The following CALN1 variants were observed in gnomAD, a reference collection of about 807,000 sequenced individuals.
The protein encoded by CALN1 is calneuron 1.
In CALN1, 17 loss-of-function variants were observed where a neutral mutation model predicts 30.6. The ratio of observed to expected loss-of-function variants is 0.56; its 90% confidence interval spans 0.38 to 0.83. CALN1 has a LOEUF of 0.83. Ranked by LOEUF, CALN1 falls within the 40% of genes least tolerant of loss-of-function variation. The pLI, the probability that CALN1 is intolerant of heterozygous loss-of-function variation, is 0.00. For synonymous variants in CALN1, 156 were observed against 131.4 expected, an observed-to-expected ratio of 1.19 and a Z score of -1.28; for missense variants, 291 against 354.9, an observed-to-expected ratio of 0.82 and a Z score of 1.45.
At position 72,406,011 on chromosome 7, in the gene CALN1, G is replaced by A. The variant is rs142416455; in HGVS notation, c.-73-2569C>T. 2.3e-4 allele frequency among the ~76,000 whole-genome samples: 35 copies of A among 152,272 alleles called. No individual in the cohort carries two copies. In the East Asian group the frequency reaches 6.4e-3, roughly 28 times the overall value. On this transcript the variant is annotated intron_variant, in intron 1 of 6. Coordinates refer to ENST00000395275, the MANE Select transcript of CALN1 (RefSeq NM_031468.4). ...CCTGCCCACAGCTCAACAGGCGCAC[G>A]GCACTGAAGGTGGCAGCTCCCCGTA...
At chr7:72,325,387 G>A (rs1346521407) in intron 2 of CALN1, among the ~76,000 whole-genome samples, 3 of 152,154 alleles carry the variant, frequency 2.0e-5, no homozygotes, top group Non-Finnish European at 2.9e-5. Flanking sequence ...GATCACCTGA[G>A]GTCAAGAGTT....
intron 5 of CALN1, among the ~76,000 whole-genome samples, chr7:71,948,427 T>C (rs1055148251): frequency 6.6e-6 from 1 of 152,002 alleles, no homozygotes; most frequent in Admixed American, 6.6e-5. Context: ...GACACTGAGC[T>C]CCATTAGAAT....
upstream of CALN1, among the ~76,000 whole-genome samples, chr7:72,413,565 G>A (rs1807315817): frequency 6.7e-6 from 1 of 148,742 alleles, no homozygotes; most frequent in South Asian, 2.1e-4. Flanking sequence ...ATGCACTCAT[G>A]CACACCACAC....
chr7:71,949,207 G>A (rs952816859), intron 5 of CALN1, among the ~76,000 whole-genome samples: 3 of 152,108 alleles, frequency 2.0e-5, no homozygotes, highest in Non-Finnish European at 2.9e-5. Context: ...AATAGGGTTT[G>A]GAGACAGGGA....
chr7:72,402,374 C>G (rs987590828), intron 2 of CALN1, among the ~76,000 whole-genome samples: 1 of 152,190 alleles, frequency 6.6e-6, no homozygotes, highest in Non-Finnish European at 1.5e-5. Flanking sequence ...TTTTCTTCCC[C>G]ACAAGCCTAA....
chr7:72,272,455 G>A (rs1458703505), intron 3 of CALN1, among the ~76,000 whole-genome samples: 3 of 151,896 alleles, frequency 2.0e-5, no homozygotes, highest in Non-Finnish European at 2.9e-5. Flanking sequence ...CCAGCTACTT[G>A]GGAGGCTAAA....
chr7:72,124,020 G>A (rs531140415), intron 3 of CALN1, among the ~76,000 whole-genome samples: 91 of 152,262 alleles, frequency 6.0e-4, no homozygotes, highest in African/African-American at 1.9e-3. Context: ...AATTGCTTTA[G>A]GAATTCTATC....
intron 4 of CALN1, among the ~76,000 whole-genome samples, chr7:72,052,360 T>C (rs1488340389): frequency 1.3e-5 from 2 of 151,236 alleles, no homozygotes; most frequent in African/African-American, 2.4e-5. Flanking sequence ...GGAGGGAAGG[T>C]AGAGAGAAGA....
rs147111210 is a variant in CALN1 at position 71,781,675 on chromosome 7, C to T, written c.*6100G>A. 3.3e-5 allele frequency: 5 copies of T among 152,330 alleles called. No homozygotes were observed. Among genetic ancestry groups the T allele is most frequent in the African/African-American group, 1.2e-4 (5 of 41,572 alleles). 9.4% of individuals were successfully genotyped at this position (152,330 alleles called of 1,614,324 possible). On this transcript the variant is annotated 3_prime_UTR_variant, in exon 7 of 7. Coordinates refer to ENST00000395275, the MANE Select transcript of CALN1 (RefSeq NM_031468.4). ...TGCTCTTCTATCCCACTGGAAAATT[C>T]CAGCCTCTGCATCCTTTCCACTTGG...
intron 2 of CALN1, among the ~76,000 whole-genome samples, chr7:72,368,324 T>A (rs368642902): frequency 7.3e-5 from 11 of 151,514 alleles, no homozygotes; most frequent in African/African-American, 2.4e-4. Flanking sequence ...CACTTGTGAT[T>A]TGTGCACTTT....
chr7:72,458,196 A>AT, the CALN1 span, among the ~76,000 whole-genome samples: 82 of 90,544 alleles, frequency 9.1e-4, no homozygotes, highest in Middle Eastern at 6.8e-3. Context: ...AATATATTAT[A>AT]ATATATAATA....
At chr7:72,002,490 T>A (rs529030523) in intron 5 of CALN1, among the ~76,000 whole-genome samples, 197 of 152,200 alleles carry the variant, frequency 1.3e-3, no homozygotes, top group African/African-American at 4.5e-3. Flanking sequence ...CATTATAAAG[T>A]TGAAAAATTG....
chr7:72,361,002 C>T (rs1394339848), intron 2 of CALN1, among the ~76,000 whole-genome samples: 1 of 152,118 alleles, frequency 6.6e-6, no homozygotes, highest in Non-Finnish European at 1.5e-5. Flanking sequence ...GCTGGGATTA[C>T]AGGCATGAGC....
chr7:72,044,068 C>A (rs972615938), intron 4 of CALN1, among the ~76,000 whole-genome samples: 28 of 152,016 alleles, frequency 1.8e-4, no homozygotes, highest in African/African-American at 6.8e-4. Flanking sequence ...CCCACCGGGT[C>A]CCTCCCACAA....
At chr7:72,352,183 C>CA (rs934266593) in intron 2 of CALN1, among the ~76,000 whole-genome samples, 8 of 147,836 alleles carry the variant, frequency 5.4e-5, no homozygotes, top group African/African-American at 1.2e-4. Flanking sequence ...AACAAACAAA[C>CA]AAAAAAAACC....
chr7:72,282,299 A>G lies in CALN1; in HGVS notation c.120-3489T>C, dbSNP rs540013516. On this transcript the variant is annotated intron_variant, in intron 2 of 6. Coordinates refer to ENST00000395275, the MANE Select transcript of CALN1 (RefSeq NM_031468.4). ...AAACAAAAATAAATAAATATTTTCA[A>G]CAGCAGTTTCACTCACTGTGAAATA... Among the ~76,000 whole-genome samples, 124 of 152,362 alleles carry G rather than the reference A, an allele frequency of 8.1e-4. 1 individual carries two copies. The highest frequency in any genetic ancestry group is 2.9e-3 in the African/African-American group (119 of 41,592).
chr7:72,460,637 A>C, the CALN1 span, among the ~76,000 whole-genome samples: 4 of 152,162 alleles, frequency 2.6e-5, no homozygotes, highest in African/African-American at 4.8e-5. Flanking sequence ...GTCTCAAAAA[A>C]AAGAAAATGA....
intron 3 of CALN1, among the ~76,000 whole-genome samples, chr7:72,174,337 A>G (rs1789182859): frequency 6.6e-6 from 1 of 152,216 alleles, no homozygotes; most frequent in East Asian, 1.9e-4. Flanking sequence ...TGTCTTAAAA[A>G]GTCAAATATC....
In CALN1 at chr7:71,785,304, C is replaced by G. The variant is rs2286832; in HGVS notation, c.*2471G>C. The G allele has an allele frequency of 0.037, 5,858 of 156,326 alleles. 370 individuals are homozygous for G. The highest frequency in any genetic ancestry group is 0.13 in the African/African-American group (5,304 of 41,702). 9.7% of individuals were successfully genotyped at this position (156,326 alleles called of 1,614,324 possible). On this transcript the variant is annotated 3_prime_UTR_variant, in exon 7 of 7. Transcript: ENST00000395275. ...TTAGGAAAGGAATCCTGCAGCCTTT[C>G]CAGAAAACAGGATGGCGGCGCCTCT...
Sources: gnomAD v4.1 joint callset for allele counts (sites outside exome capture counted in the v4.1 genomes callset) on GRCh38, gnomAD v4.1.1 for gene constraint, MANE v1.5 for transcripts, NCBI Gene and HGNC (gene_info 2026-07-23, HGNC 2026-07-21) for gene names.